The following ZNF496 variants were observed in gnomAD, a reference collection of about 807,000 sequenced individuals.
The protein encoded by ZNF496 is zinc finger protein 496, also known as NSD1 (nuclear receptor binding SET-domain containing 1)-interacting zinc finger protein 1.
ZNF496 carries 11 observed loss-of-function variants against 58.9 expected under a neutral mutation model. The observed-to-expected ratio is 0.19, with a 90% CI of 0.12 to 0.31. ZNF496 has a LOEUF of 0.31. Among genes scored for constraint, ZNF496 ranks in the 10% least tolerant of loss-of-function variants. The probability of loss-of-function intolerance (pLI) is 1.00; values close to 1 mark genes in which losing one functional copy is unlikely to be tolerated. For synonymous variants in ZNF496, 338 were observed against 318.2 expected (o/e 1.06, Z -0.66); for missense variants, 660 against 783.0 (o/e 0.84, Z 1.88).
chr1:247,326,037 CATAT>C (rs536095555), intron 5 of ZNF496, among the ~76,000 whole-genome samples: 1 of 85,236 alleles, frequency 1.2e-5, no homozygotes. Context: ...TATACACACG[CATAT>C]ATATATATAC....
At chr1:247,320,289 T>C (rs1293480669) in intron 6 of ZNF496, among the ~76,000 whole-genome samples, 2 of 152,160 alleles carry the variant, frequency 1.3e-5, no homozygotes, top group African/African-American at 2.4e-5. Flanking sequence ...GGAATACTAC[T>C]CAGCAACGAA....
intron 9 of ZNF496, among the ~76,000 whole-genome samples, chr1:247,302,391 A>C (rs1189917810): frequency 2.0e-5 from 3 of 152,112 alleles, no homozygotes; most frequent in Non-Finnish European, 2.9e-5. Context: ...TCGGGGGAAC[A>C]TGAGTCTGGG....
In ZNF496 at chr1:247,331,415, G is replaced by A. The variant is rs1472490134; in HGVS notation, c.-154+17C>T. Reference sequence around the variant, plus strand: ...TCACACGCGCGTCTCCCGTCTCGCCGGCTCCGGGCTCCTCACCTCACAGCC... The same window carrying A: ...TCACACGCGCGTCTCCCGTCTCGCCAGCTCCGGGCTCCTCACCTCACAGCC... On this transcript the variant is annotated intron_variant, in intron 2 of 9. Coordinates refer to ENST00000682384, the MANE Select transcript of ZNF496 (RefSeq NM_032752.3). 1 of 152,160 alleles carries A rather than the reference G, an allele frequency of 6.6e-6. No homozygotes were observed. The highest frequency in any genetic ancestry group is 1.5e-5 in the Non-Finnish European group (1 of 68,100). 9.4% of individuals were successfully genotyped at this position (152,160 alleles called of 1,614,324 possible).
chr1:247,323,373 T>C, intron 5 of ZNF496, 143 bp from the exon 6 acceptor site: 1 of 601,828 alleles, frequency 1.7e-6, no homozygotes, highest in Non-Finnish European at 3.0e-6. Flanking sequence ...AACTGTTTCA[T>C]GGTGCTTTTC....
At chr1:247,304,140 TATGA>T in intron 9 of ZNF496, 1 of 374,108 alleles carries the variant, frequency 2.7e-6, no homozygotes, top group Non-Finnish European at 5.2e-6. Context: ...TCTATCTGGC[TATGA>T]ATATGTACTA....
chr1:247,319,760 T>C (rs1248271063), intron 6 of ZNF496, among the ~76,000 whole-genome samples: 1 of 151,928 alleles, frequency 6.6e-6, no homozygotes, highest in Non-Finnish European at 1.5e-5. Flanking sequence ...CTGTCTCTAC[T>C]AAAAATACAA....
rs982573079 is a variant in ZNF496 at position 247,307,650 on chromosome 1, T to C, written c.1006+825A>G. 1.2e-4 allele frequency: 123 copies of C among 985,216 alleles called. 1 individual carries two copies. The African/African-American group carries it at 2.0e-3, about 16-fold the overall frequency. 61.0% of individuals were successfully genotyped at this position (985,216 alleles called of 1,614,324 possible). On this transcript the variant is annotated intron_variant, in intron 9 of 9. Transcript: ENST00000682384. The stretch of plus-strand genomic sequence containing the variant: ...CTAGAAAAGCCCCTTTGTCCATGCA[T>C]GAAAGGGGGCCAAGTACAAGATGCA...
At chr1:247,322,335 C>T (rs1173521621) in intron 6 of ZNF496, among the ~76,000 whole-genome samples, 1 of 152,162 alleles carries the variant, frequency 6.6e-6, no homozygotes, top group Non-Finnish European at 1.5e-5. Flanking sequence ...AGAAAGCAAA[C>T]TGCTCAGCTT....
rs546638634 is a variant in ZNF496, at chr1:247,327,015, G to C, written c.574+1668C>G. ...GGGCCGGATATTCATGGGTTTTTAC[G>C]GGTCCCAAAGAGAGCCAGTGGCATA... On this transcript the variant is annotated intron_variant, in intron 5 of 9. Coordinates refer to ENST00000682384, the MANE Select transcript of ZNF496 (RefSeq NM_032752.3). Among the ~76,000 whole-genome samples, 7 of 152,196 alleles carry C rather than the reference G, an allele frequency of 4.6e-5. No homozygotes were observed. The South Asian group carries it at 1.5e-3, about 32-fold the overall frequency.
intron 6 of ZNF496, among the ~76,000 whole-genome samples, chr1:247,317,488 G>A (rs969276433): frequency 2.6e-5 from 4 of 152,128 alleles, no homozygotes; most frequent in African/African-American, 9.7e-5. Flanking sequence ...GTGCAATGAG[G>A]TGCCCTAACA....
intron 6 of ZNF496, among the ~76,000 whole-genome samples, chr1:247,314,662 C>G (rs145515936): frequency 9.1e-4 from 138 of 152,348 alleles, no homozygotes; most frequent in African/African-American, 3.2e-3. Context: ...GCCTACCTCT[C>G]TGGAAAACTA....
chr1:247,301,307 G>A (rs754742773), intron 9 of ZNF496, 31 bp from the exon 10 acceptor site: 1 of 1,501,278 alleles, frequency 6.7e-7, no homozygotes, highest in Non-Finnish European at 8.8e-7. Flanking sequence ...GGTCAGCGAC[G>A]CTGCACAGGC....
chr1:247,329,060 A>T lies in ZNF496; in HGVS notation c.390+129T>A. 6.7e-7 allele frequency: 1 copy of T among 1,495,644 alleles called. No homozygotes were observed. The highest frequency in any genetic ancestry group is 2.3e-5 in the East Asian group (1 of 44,176). The allele number at this position is 1,495,644 out of a possible 1,614,324, so 92.6% of individuals were successfully genotyped here. The stretch of plus-strand genomic sequence containing the variant: ...AAAACTGGCTTTCTTAGGAAACTCT[A>T]GTCTGGACCTAACCAAAGTAAATGG... On this transcript the variant is annotated intron_variant, in intron 4 of 9. Transcript: ENST00000682384. This position sits in a 1 kb window ranked among gnomAD's most constrained non-coding sequence, Gnocchi z 5.5.
At chr1:247,313,176 A>G (rs1204334919) in intron 6 of ZNF496, 3 of 152,128 alleles carry the variant, frequency 2.0e-5, no homozygotes, top group Non-Finnish European at 4.4e-5. Context: ...TAACCTGATC[A>G]TCTCCCCAGT....
At position 247,301,143 on chromosome 1, in the gene ZNF496, C is replaced by T. The variant is rs761438768; in HGVS notation, c.1140G>A (p.Glu380=). ...YCTEELGSPT[E]KQRSLPASHR... is the part of the protein sequence containing the mutation. ...GGGAGGCGGGGAGGCTGCGCTGCTT[C>T]TCTGTGGGGCTCCCCAGCTCTTCTG... The change falls in exon 10 of 10, where the codon GAG becomes GAA. Residue 380 remains glutamate, a synonymous_variant. Transcript: ENST00000682384. The T allele has an allele frequency of 1.2e-6, 2 of 1,613,418 alleles. No individual in the cohort carries two copies. Among genetic ancestry groups the T allele is most frequent in the South Asian group, 2.2e-5 (2 of 91,064 alleles).
chr1:247,329,838 T>A lies in ZNF496; in HGVS notation c.-38+128A>T, dbSNP rs191565977. 175 of 407,126 alleles carry A rather than the reference T, an allele frequency of 4.3e-4. No homozygotes were observed. Among genetic ancestry groups the A allele is most frequent in the African/African-American group, 3.2e-3 (156 of 48,282 alleles). The allele number at this position is 407,126 out of a possible 1,614,324, so 25.2% of individuals were successfully genotyped here. ...CCATTACGTGTGGATTCCCGTTAAGTGGGTGACTGGATGAACAAGACAGGA... is the reference window on the plus strand; with the variant it reads ...CCATTACGTGTGGATTCCCGTTAAGAGGGTGACTGGATGAACAAGACAGGA... On this transcript the variant is annotated intron_variant, in intron 3 of 9. Transcript: ENST00000682384. This position sits in a 1 kb window ranked among gnomAD's most constrained non-coding sequence, Gnocchi z 5.5.
intron 5 of ZNF496, among the ~76,000 whole-genome samples, chr1:247,325,427 A>G (rs1208913777): frequency 6.6e-6 from 1 of 152,280 alleles, no homozygotes; most frequent in Non-Finnish European, 1.5e-5. Context: ...TTTGTATACG[A>G]AAACTGTACA....
intron 5 of ZNF496, 37 bp from the exon 6 acceptor site, chr1:247,323,267 C>G (rs774682371): frequency 1.9e-6 from 3 of 1,552,912 alleles, no homozygotes. Flanking sequence ...TAAAGTGGGC[C>G]AGGGCCAGGC....
chr1:247,305,989 A>T (rs917019625), intron 9 of ZNF496, among the ~76,000 whole-genome samples: 6 of 152,338 alleles, frequency 3.9e-5, no homozygotes, highest in Non-Finnish European at 5.9e-5. Flanking sequence ...AAATGGAAGA[A>T]ACTATGTATG....
Sources: allele counts gnomAD v4.1 joint callset (sites outside exome capture counted in the v4.1 genomes callset), GRCh38; gene constraint gnomAD v4.1.1; non-coding constraint Gnocchi (gnomAD v3.1); transcripts MANE v1.5; gene names NCBI Gene and HGNC (gene_info 2026-07-23, HGNC 2026-07-21).